Variants in ATXN7L1 observed in about 807,000 individuals in gnomAD.
ATXN7L1 encodes the protein ataxin-7-like protein 1.
Under a neutral mutation model 70.8 loss-of-function variants are expected in ATXN7L1, and 15 were observed. The observed-to-expected ratio is 0.21, with a 90% confidence interval of 0.14 to 0.33. The LOEUF (loss-of-function observed/expected upper bound fraction) is 0.33, where lower values mean the gene tolerates loss of function less well. Ranked by LOEUF, ATXN7L1 falls within the 10% of genes least tolerant of loss-of-function variation. ATXN7L1 has a pLI of 1.00. For synonymous variants in ATXN7L1, 440 were observed against 445.1 expected, an observed-to-expected ratio of 0.99 and a Z score of 0.14; for missense variants, 975 against 1,097.1, an observed-to-expected ratio of 0.89 and a Z score of 1.57.
chr7:105,619,151 T>TTTTTTTTG lies in ATXN7L1; in HGVS notation c.1517+1048_1517+1049insCAAAAAAA, dbSNP rs1794416082. ...TAATGAAATCTTTAGTTTTTTTTTT[T>TTTTTTTTG]TTTTTTTTTTTTTTGAGACGGAGTC... is the stretch of plus-strand genomic sequence containing the variant. On this transcript the variant is annotated intron_variant, in intron 9 of 11. Coordinates refer to ENST00000419735, the MANE Select transcript of ATXN7L1 (RefSeq NM_020725.2). Among the ~76,000 whole-genome samples the TTTTTTTTG allele has an allele frequency of 2.6e-5, 3 of 116,238 alleles. 1 individual carries two copies. The South Asian group carries it at 1.1e-3, about 42-fold the overall frequency. The allele number at this position is 116,238 out of a possible 152,430, so 76.3% of individuals were successfully genotyped here.
rs372818312 is a variant in ATXN7L1, at chr7:105,665,278, G to A, written c.366C>T (p.His122=). 145 of 1,551,018 alleles carry A rather than the reference G, an allele frequency of 9.3e-5. No homozygotes were observed. The African/African-American group carries it at 1.3e-3, about 14-fold the overall frequency. Residue 122 remains histidine, a synonymous_variant, in exon 4 of 12, where the codon CAC becomes CAT. Transcript: ENST00000419735. ...QVFQSHCERR[H]GSMCRPSPSP... ...AGGGAGAAGGTCTACACATTGAACC[G>A]TGTCTTCTCTCTACAGGGGCAGAAA...
chr7:105,650,746 G>A (rs1309501370), intron 4 of ATXN7L1, among the ~76,000 whole-genome samples: 2 of 152,200 alleles, frequency 1.3e-5, no homozygotes, highest in Non-Finnish European at 2.9e-5. Flanking sequence ...GAGATGATTA[G>A]CTGCTGAGAA....
intron 3 of ATXN7L1, among the ~76,000 whole-genome samples, chr7:105,769,329 C>T (rs564066038): frequency 1.7e-4 from 26 of 152,214 alleles, no homozygotes; most frequent in African/African-American, 6.3e-4. Context: ...ACCATGGAAG[C>T]GTGACCATGC....
intron 3 of ATXN7L1, among the ~76,000 whole-genome samples, chr7:105,758,656 C>G (rs1250870324): frequency 1.3e-5 from 2 of 152,212 alleles, no homozygotes; most frequent in Admixed American, 6.5e-5. Context: ...TGGCCACCAC[C>G]CAGTTTTTCC....
intron 3 of ATXN7L1, among the ~76,000 whole-genome samples, chr7:105,704,580 A>ATC (rs772855286): frequency 3.0e-5 from 3 of 100,786 alleles, no homozygotes; most frequent in East Asian, 7.2e-4. Context: ...GAGAGGTTTT[A>ATC]TCTCTTTTTT....
chr7:105,805,912 A>G (rs1807513900), intron 2 of ATXN7L1, among the ~76,000 whole-genome samples: 1 of 152,078 alleles, frequency 6.6e-6, no homozygotes, highest in Non-Finnish European at 1.5e-5. Flanking sequence ...CCATGTGCTC[A>G]TGAGTATGAG....
intron 3 of ATXN7L1, among the ~76,000 whole-genome samples, chr7:105,775,238 C>T (rs1438407426): frequency 6.6e-6 from 1 of 152,146 alleles, no homozygotes; most frequent in African/African-American, 2.4e-5. Flanking sequence ...AACGGTATTC[C>T]CCGATTCTAG....
chr7:105,783,466 C>A (rs1198793669), intron 3 of ATXN7L1, among the ~76,000 whole-genome samples: 2 of 152,172 alleles, frequency 1.3e-5, no homozygotes, highest in Non-Finnish European at 2.9e-5. Flanking sequence ...CGTACATAGG[C>A]AGTTTCAGGC....
intron 3 of ATXN7L1, among the ~76,000 whole-genome samples, chr7:105,714,553 C>A (rs1161045349): frequency 6.6e-6 from 1 of 152,168 alleles, no homozygotes; most frequent in African/African-American, 2.4e-5. Flanking sequence ...GAGATCCTGT[C>A]CAGGTCAGTT....
intron 3 of ATXN7L1, chr7:105,760,955 A>G (rs145801671): frequency 1.0e-3 from 185 of 180,140 alleles, no homozygotes; most frequent in African/African-American, 4.2e-3. Flanking sequence ...CTTTGTAGCC[A>G]TGATAATGAT....
chr7:105,665,134 G>T lies in ATXN7L1; in HGVS notation c.510C>A (p.Asp170Glu). Residue 170 changes from aspartate (D) to glutamate (E), a missense_variant, in exon 4 of 12, where the codon GAC becomes GAA. Asp to Glu is a conservative substitution (Grantham distance 45). Coordinates refer to ENST00000419735, the MANE Select transcript of ATXN7L1 (RefSeq NM_020725.2). ...STSKPFKTPK[D>E]NLLTSSSKQH... Reference sequence around the variant, plus strand: ...GTTTGCTGCTGGAGGTAAGTAGATTGTCTTTGGGCGTTTTGAATGGCTTTG... The same window carrying T: ...GTTTGCTGCTGGAGGTAAGTAGATTTTCTTTGGGCGTTTTGAATGGCTTTG... 5 of 1,551,748 alleles carry T rather than the reference G, an allele frequency of 3.2e-6. No homozygotes were observed. Among genetic ancestry groups the T allele is most frequent in the Non-Finnish European group, 4.4e-6 (5 of 1,147,002 alleles).
chr7:105,698,882 C>T (rs773410491), intron 3 of ATXN7L1, among the ~76,000 whole-genome samples: 3 of 151,488 alleles, frequency 2.0e-5, no homozygotes, highest in Non-Finnish European at 4.4e-5. Context: ...ACGTGTTTTG[C>T]ATGAACAAAT....
intron 3 of ATXN7L1, chr7:105,678,066 T>C (rs554111153): frequency 2.2e-6 from 2 of 924,168 alleles, no homozygotes; most frequent in East Asian, 1.2e-4. Flanking sequence ...GGTTATGCCC[T>C]GTCAACATAT....
chr7:105,766,011 T>G (rs1388581151), intron 3 of ATXN7L1, among the ~76,000 whole-genome samples: 1 of 151,966 alleles, frequency 6.6e-6, no homozygotes, highest in Non-Finnish European at 1.5e-5. Context: ...ATGTGACCTA[T>G]GGCCACAGAA....
intron 4 of ATXN7L1, among the ~76,000 whole-genome samples, chr7:105,647,608 T>C (rs1030007456): frequency 2.0e-5 from 3 of 152,174 alleles, no homozygotes; most frequent in Admixed American, 1.3e-4. Flanking sequence ...GATGGCGCCA[T>C]TGCACTCCAG....
At chr7:105,737,405 A>G (rs1797502085) in intron 3 of ATXN7L1, among the ~76,000 whole-genome samples, 1 of 152,240 alleles carries the variant, frequency 6.6e-6, no homozygotes, top group Admixed American at 6.5e-5. Flanking sequence ...TCCTCATGAC[A>G]ATTCCACGAA....
At chr7:105,690,848 A>T (rs1024975405) in intron 3 of ATXN7L1, among the ~76,000 whole-genome samples, 1 of 152,184 alleles carries the variant, frequency 6.6e-6, no homozygotes, top group Non-Finnish European at 1.5e-5. Flanking sequence ...AAACCCTTTT[A>T]TAGAGTGCTA....
intron 3 of ATXN7L1, among the ~76,000 whole-genome samples, chr7:105,785,862 C>T (rs1804223964): frequency 6.6e-6 from 1 of 152,236 alleles, no homozygotes; most frequent in South Asian, 2.1e-4. Flanking sequence ...ACCTTGTTGG[C>T]ATCCTGACCT....
chr7:105,723,045 A>T (rs1451340334), intron 3 of ATXN7L1, among the ~76,000 whole-genome samples: 1 of 152,182 alleles, frequency 6.6e-6, no homozygotes, highest in African/African-American at 2.4e-5. Context: ...ACCCTATTTT[A>T]AAAAATGTAC....
Sources: gnomAD v4.1 joint callset for allele counts (sites outside exome capture counted in the v4.1 genomes callset) on GRCh38, gnomAD v4.1.1 for gene constraint, MANE v1.5 for transcripts, NCBI Gene and HGNC (gene_info 2026-07-23, HGNC 2026-07-21) for gene names.